The following SIPA1L1 variants were observed in gnomAD, a reference collection of about 807,000 sequenced individuals.
The protein encoded by SIPA1L1 is signal-induced proliferation-associated 1-like protein 1.
SIPA1L1 carries 26 observed loss-of-function variants against 162.7 expected under a neutral mutation model. The observed-to-expected ratio is 0.16, with a 90% confidence interval of 0.12 to 0.22. The LOEUF (loss-of-function observed/expected upper bound fraction) is 0.22. Among genes scored for constraint, SIPA1L1 ranks in the 10% least tolerant of loss-of-function variants. The pLI, the probability that SIPA1L1 is intolerant of heterozygous loss-of-function variation, is 1.00. For missense variants in SIPA1L1, 1,874 were observed against 2,241.0 expected, an observed-to-expected ratio of 0.84 and a Z score of 3.31; for synonymous variants, 829 against 837.4, an observed-to-expected ratio of 0.99 and a Z score of 0.17.
chr14:71,685,557 G>C lies in SIPA1L1; in HGVS notation c.3300G>C (p.Gly1100=). 1 of 1,614,196 alleles carries C rather than the reference G, an allele frequency of 6.2e-7. No homozygotes were observed. Among genetic ancestry groups the C allele is most frequent in the South Asian group, 1.1e-5 (1 of 91,074 alleles). Reference sequence around the variant, plus strand: ...GGCTGAATGCTGGAAAAGGAGATGGGAAGATGCCTCCTCCAGAAAGAGCCG... The same window carrying C: ...GGCTGAATGCTGGAAAAGGAGATGGCAAGATGCCTCCTCCAGAAAGAGCCG... ...TSRLNAGKGD[G]KMPPPERAAN... is the part of the protein sequence containing the mutation. Residue 1100 remains glycine, a synonymous_variant, in exon 13 of 24, where the codon GGG becomes GGC. Transcript: ENST00000381232.
At chr14:71,652,440 A>G (rs545741272) in intron 8 of SIPA1L1, among the ~76,000 whole-genome samples, 34 of 152,346 alleles carry the variant, frequency 2.2e-4, no homozygotes, top group Admixed American at 1.6e-3. Flanking sequence ...TTCAGAACAA[A>G]TGTTCAAGGA....
At chr14:71,454,652 G>A (rs536784861) in intron 2 of SIPA1L1, among the ~76,000 whole-genome samples, 2 of 152,060 alleles carry the variant, frequency 1.3e-5, no homozygotes, top group African/African-American at 4.8e-5. Context: ...CTTAGAAATT[G>A]GTGCCTGATT....
intron 2 of SIPA1L1, among the ~76,000 whole-genome samples, chr14:71,388,098 G>T (rs1196377459): frequency 2.6e-5 from 4 of 152,172 alleles, no homozygotes; most frequent in African/African-American, 9.7e-5. Flanking sequence ...TGTGAGAAAT[G>T]ACTCTGGTGT....
chr14:71,672,529 C>G lies in SIPA1L1; in HGVS notation c.3011C>G (p.Thr1004Ser), dbSNP rs1332337968. Residue 1004 changes from threonine (T) to serine (S), a missense_variant, in exon 12 of 24, where the codon ACT (threonine) becomes AGT (serine). This residue lies in a region of SIPA1L1 where 936 missense variants were observed against 1,051.9 expected (regional missense o/e 0.89). Coordinates refer to ENST00000381232, the MANE Select transcript of SIPA1L1 (RefSeq NM_001386936.1). ...GAGATCTGCAAGGTGGCGGTAGCCA[C>G]TCTGAGCCATGAGCAGATGATCGAC... ...LVEICKVAVA[T>S]LSHEQMIDLL... The G allele has an allele frequency of 6.2e-7, 1 of 1,613,986 alleles. No homozygotes were observed. Among genetic ancestry groups the G allele is most frequent in the Non-Finnish European group, 8.5e-7 (1 of 1,179,974 alleles).
intron 4 of SIPA1L1, among the ~76,000 whole-genome samples, chr14:71,529,835 G>A (rs1001092568): frequency 5.9e-5 from 9 of 152,180 alleles, no homozygotes; most frequent in Admixed American, 2.0e-4. Context: ...TCTACCCAGC[G>A]TGGCTCCAAT....
intron 7 of SIPA1L1, among the ~76,000 whole-genome samples, chr14:71,637,809 GT>G: frequency 6.6e-6 from 1 of 152,206 alleles, no homozygotes; most frequent in Admixed American, 6.5e-5. Flanking sequence ...ACTATCCATG[GT>G]TTCAGGCATC....
At chr14:71,399,949 G>T (rs1237209342) in intron 2 of SIPA1L1, among the ~76,000 whole-genome samples, 2 of 151,956 alleles carry the variant, frequency 1.3e-5, no homozygotes, top group East Asian at 3.9e-4. Flanking sequence ...TCTAACTCCT[G>T]ACCCCAAGTG....
chr14:71,401,174 C>T (rs565370047), intron 2 of SIPA1L1, among the ~76,000 whole-genome samples: 1 of 152,262 alleles, frequency 6.6e-6, no homozygotes, highest in African/African-American at 2.4e-5. Context: ...GTAGTTTGTT[C>T]AGATTACTGT....
chr14:71,543,010 T>C lies in SIPA1L1; in HGVS notation c.-303+13640T>C, dbSNP rs559750820. Among the ~76,000 whole-genome samples, 8 of 152,164 alleles carry C rather than the reference T, an allele frequency of 5.3e-5. No homozygotes were observed. In the East Asian group the frequency reaches 1.5e-3, roughly 29 times the overall value. On this transcript the variant is annotated intron_variant, in intron 4 of 23. Transcript: ENST00000381232. Reference sequence around the variant, plus strand: ...GTCCCTCTCTTCTCTGGGATGTGAATTCTCTAATTGTGTCATTGCACTTAC... The same window carrying C: ...GTCCCTCTCTTCTCTGGGATGTGAACTCTCTAATTGTGTCATTGCACTTAC...
In SIPA1L1 at chr14:71,738,895, G is replaced by GT. The variant is rs2085567066; in HGVS notation, c.5209-120dup. 4.3e-6 allele frequency: 5 copies of GT among 1,169,038 alleles called. No individual in the cohort carries two copies. In the Admixed American group the frequency reaches 9.4e-5, roughly 22 times the overall value. The allele number at this position is 1,169,038 out of a possible 1,614,324, so 72.4% of individuals were successfully genotyped here. A position where few individuals can be genotyped will look rare whatever the true frequency, so the allele number is the denominator to read the frequency against. On this transcript the variant is annotated intron_variant, in intron 23 of 23. Coordinates refer to ENST00000381232, the MANE Select transcript of SIPA1L1 (RefSeq NM_001386936.1). ...CTGATACCAGTCCGTTTAGACAGGT[G>GT]TTTGGAGGAACGAAGAATAGAAATG...
At chr14:71,362,711 G>T (rs143321984) in intron 2 of SIPA1L1, among the ~76,000 whole-genome samples, 2 of 152,184 alleles carry the variant, frequency 1.3e-5, no homozygotes, top group East Asian at 3.9e-4. Flanking sequence ...ATCTTTAGGT[G>T]AAATTTCCAA....
intron 4 of SIPA1L1, among the ~76,000 whole-genome samples, chr14:71,546,157 A>G (rs1303989269): frequency 2.6e-5 from 4 of 152,054 alleles, no homozygotes; most frequent in South Asian, 2.1e-4. Flanking sequence ...TTAAAGCCCT[A>G]TAATTTTGTG....
chr14:71,635,583 T>C (rs1214861794), intron 7 of SIPA1L1, among the ~76,000 whole-genome samples: 1 of 152,134 alleles, frequency 6.6e-6, no homozygotes, highest in Non-Finnish European at 1.5e-5. Flanking sequence ...TAGTAATACA[T>C]AGAGCAATCA....
intron 10 of SIPA1L1, among the ~76,000 whole-genome samples, chr14:71,663,983 A>G (rs1390203748): frequency 6.6e-6 from 1 of 152,228 alleles, no homozygotes; most frequent in African/African-American, 2.4e-5. Context: ...TTAAAGATCA[A>G]TAATTTTTTG....
At chr14:71,475,284 G>T (rs547034597) in intron 2 of SIPA1L1, among the ~76,000 whole-genome samples, 1 of 152,308 alleles carries the variant, frequency 6.6e-6, no homozygotes, top group African/African-American at 2.4e-5. Context: ...CCTGCATACT[G>T]TTCTCCAGCA....
intron 5 of SIPA1L1, among the ~76,000 whole-genome samples, chr14:71,614,855 C>T (rs1244694326): frequency 6.6e-6 from 1 of 151,940 alleles, no homozygotes; most frequent in African/African-American, 2.4e-5. Flanking sequence ...ACAAAGTAAC[C>T]TTATTAACAC....
At chr14:71,719,661 T>C (rs2083542280) in intron 17 of SIPA1L1, among the ~76,000 whole-genome samples, 1 of 152,156 alleles carries the variant, frequency 6.6e-6, no homozygotes, top group South Asian at 2.1e-4. Flanking sequence ...ACCCAGCTAT[T>C]TTTGTGTTTT....
rs1178829422 is a variant in SIPA1L1 at position 71,487,040 on chromosome 14, A to G, written c.-464-25703A>G. 5.9e-5 allele frequency among the ~76,000 whole-genome samples: 9 copies of G among 152,208 alleles called. No homozygotes were observed. The East Asian group carries it at 1.7e-3, about 29-fold the overall frequency. The stretch of plus-strand genomic sequence containing the variant: ...GGTAGCTACGCTGATTCAGTACCAA[A>G]TTCTGCCATAATCTTCTGATGGCAC... On this transcript the variant is annotated intron_variant, in intron 2 of 23. Coordinates refer to ENST00000381232, the MANE Select transcript of SIPA1L1 (RefSeq NM_001386936.1).
chr14:71,603,704 C>T (rs946012468), intron 5 of SIPA1L1, among the ~76,000 whole-genome samples: 7 of 151,744 alleles, frequency 4.6e-5, no homozygotes, highest in South Asian at 2.1e-4. Context: ...GGGTGGATCA[C>T]GAGGTCAGGA....
Sources: allele counts gnomAD v4.1 joint callset (sites outside exome capture counted in the v4.1 genomes callset), GRCh38; gene constraint gnomAD v4.1.1; regional missense constraint gnomAD v4.1.1; transcripts MANE v1.5; gene names NCBI Gene and HGNC (gene_info 2026-07-23, HGNC 2026-07-21).